DSCAM: variants seen among roughly 807,000 people sequenced by gnomAD.
DSCAM encodes the protein DS cell adhesion molecule.
Under a neutral mutation model 217.7 loss-of-function variants are expected in DSCAM, and 47 were observed. The ratio of observed to expected loss-of-function variants is 0.22; its 90% confidence interval spans 0.17 to 0.28. The LOEUF (loss-of-function observed/expected upper bound fraction) is 0.28. Ranked by LOEUF, DSCAM falls within the 10% of genes least tolerant of loss-of-function variation. DSCAM has a pLI of 1.00. For synonymous variants in DSCAM, 1,056 were observed against 1,015.3 expected (o/e 1.04, Z -0.76); for missense variants, 2,080 against 2,618.3 (o/e 0.79, Z 4.49).
intron 28 of DSCAM, among the ~76,000 whole-genome samples, chr21:40,057,633 C>A (rs1310595530): frequency 6.6e-6 from 1 of 152,216 alleles, no homozygotes; most frequent in East Asian, 1.9e-4. Flanking sequence ...CAGATTGCCA[C>A]AGGAAGCAGG....
chr21:40,188,014 T>C (rs376639370), intron 12 of DSCAM, 27 bp from the exon 13 acceptor site: 23 of 1,578,012 alleles, frequency 1.5e-5, no homozygotes, highest in Admixed American at 1.7e-5. Flanking sequence ...AAGAAATTCA[T>C]CTTTTTCAGT....
chr21:40,516,924 C>T (rs1021434793), intron 3 of DSCAM, among the ~76,000 whole-genome samples: 1 of 146,706 alleles, frequency 6.8e-6, no homozygotes, highest in African/African-American at 2.5e-5. Context: ...CACACATATA[C>T]CTTATATATT....
At chr21:40,426,522 G>C (rs563086483) in intron 3 of DSCAM, among the ~76,000 whole-genome samples, 1 of 152,114 alleles carries the variant, frequency 6.6e-6, no homozygotes, top group Non-Finnish European at 1.5e-5. Flanking sequence ...ATTCTAAATT[G>C]TTAAAGGTTC....
rs750731548 is a variant in DSCAM, at chr21:40,055,712, T to C, written c.5035+13A>G. 2 of 1,602,242 alleles carry C rather than the reference T, an allele frequency of 1.2e-6. No individual in the cohort carries two copies. Among genetic ancestry groups the C allele is most frequent in the Admixed American group, 3.3e-5 (2 of 59,902 alleles). ...CAGCCACTTTGTGTAAAGTGGCAAA[T>C]AGGGCAGCTTACCAATGGTCTCCAT... On this transcript the variant is annotated intron_variant, in intron 29 of 32. Transcript: ENST00000400454.
At chr21:40,654,858 A>T (rs2146366812) in intron 3 of DSCAM, among the ~76,000 whole-genome samples, 1 of 152,284 alleles carries the variant, frequency 6.6e-6, no homozygotes, top group East Asian at 1.9e-4. Context: ...TGTAAGGTGA[A>T]ATATTCACCT....
At chr21:40,189,511 T>C (rs2090932640) in intron 11 of DSCAM, among the ~76,000 whole-genome samples, 1 of 152,182 alleles carries the variant, frequency 6.6e-6, no homozygotes, top group South Asian at 2.1e-4. Context: ...CTATGTCCCT[T>C]AGCACACCCA....
At chr21:40,572,003 T>G (rs753695477) in intron 3 of DSCAM, among the ~76,000 whole-genome samples, 3 of 152,092 alleles carry the variant, frequency 2.0e-5, no homozygotes, top group Non-Finnish European at 2.9e-5. Context: ...AAATGCAAAT[T>G]CAAATCCTAA....
intron 3 of DSCAM, among the ~76,000 whole-genome samples, chr21:40,414,809 C>T (rs2075355741): frequency 6.6e-6 from 1 of 152,070 alleles, no homozygotes; most frequent in Non-Finnish European, 1.5e-5. Context: ...TGATAAAGCA[C>T]AAGGTAAGTC....
Position 40,282,570 on chromosome 21 carries a change from G to A in DSCAM, c.2183-6300C>T, listed in dbSNP as rs1407297027. 9.1e-5 allele frequency among the ~76,000 whole-genome samples: 10 copies of A among 109,564 alleles called. No homozygotes were observed. The East Asian group carries it at 2.5e-3, about 27-fold the overall frequency. 71.9% of individuals were successfully genotyped at this position (109,564 alleles called of 152,430 possible). ...AGCGCCACTGCAGTCCAGCCTGGGC[G>A]AAAGAGCGAGACTCTGTCTCAAAAA... On this transcript the variant is annotated intron_variant, in intron 10 of 32. Transcript: ENST00000400454.
At chr21:40,413,463 A>G (rs1177661819) in intron 3 of DSCAM, among the ~76,000 whole-genome samples, 1 of 152,204 alleles carries the variant, frequency 6.6e-6, no homozygotes, top group Non-Finnish European at 1.5e-5. Flanking sequence ...GTCAAAGGAG[A>G]TCATTTTGGA....
intron 20 of DSCAM, among the ~76,000 whole-genome samples, chr21:40,109,688 C>T (rs555017748): frequency 7.9e-5 from 12 of 152,308 alleles, no homozygotes; most frequent in East Asian, 5.8e-4. Context: ...GGGTGACAGA[C>T]GGCACCTGGA....
chr21:40,180,308 G>GA (rs1486255653), intron 14 of DSCAM, among the ~76,000 whole-genome samples: 2 of 152,304 alleles, frequency 1.3e-5, no homozygotes, highest in Non-Finnish European at 2.9e-5. Flanking sequence ...TTCTGGAATT[G>GA]AAGAAAAAAT....
intron 11 of DSCAM, among the ~76,000 whole-genome samples, chr21:40,247,642 C>T (rs1321159604): frequency 1.3e-5 from 2 of 152,208 alleles, no homozygotes; most frequent in African/African-American, 4.8e-5. Flanking sequence ...TTCCAGGGTA[C>T]AACCTTCATT....
intron 3 of DSCAM, among the ~76,000 whole-genome samples, chr21:40,393,188 A>T (rs2075149655): frequency 6.6e-6 from 1 of 152,194 alleles, no homozygotes; most frequent in African/African-American, 2.4e-5. Flanking sequence ...AAAGAAAGGT[A>T]ATGATTTCTC....
chr21:40,242,319 T>C (rs939059157), intron 11 of DSCAM, among the ~76,000 whole-genome samples: 9 of 152,234 alleles, frequency 5.9e-5, no homozygotes, highest in African/African-American at 2.2e-4. Flanking sequence ...ATCTACCTTC[T>C]GAGCACCTGG....
rs779560899 is a variant in DSCAM at position 40,075,066 on chromosome 21, C to T, written c.4859G>A (p.Arg1620Gln). 2.8e-5 allele frequency: 45 copies of T among 1,614,066 alleles called. No individual in the cohort carries two copies. The highest frequency in any genetic ancestry group is 3.5e-5 in the Non-Finnish European group (41 of 1,180,042). The change falls in exon 27 of 33, where the codon CGG becomes CAG. Residue 1620 changes from arginine (R) to glutamine (Q), a missense_variant. Arg to Gln is a conservative substitution (Grantham distance 43). Coordinates refer to ENST00000400454, the MANE Select transcript of DSCAM (RefSeq NM_001389.5). Reference protein sequence around the residue: ...FVLLLVVRRRRREQRLKRLRD... With the variant: ...FVLLLVVRRRQREQRLKRLRD... ...CAGCCTCTTTAGCCTCTGCTCCCGCCGCCTCCTCCGCACAACCAGCAGGAG... is the reference window on the plus strand; with the variant it reads ...CAGCCTCTTTAGCCTCTGCTCCCGCTGCCTCCTCCGCACAACCAGCAGGAG...
chr21:40,023,237 G>A (rs1302717255), intron 32 of DSCAM, among the ~76,000 whole-genome samples: 1 of 152,120 alleles, frequency 6.6e-6, no homozygotes, highest in Non-Finnish European at 1.5e-5. Context: ...GTTCCATGGT[G>A]TATATGTGCC....
intron 3 of DSCAM, among the ~76,000 whole-genome samples, chr21:40,449,707 T>A (rs1427416373): frequency 6.6e-6 from 1 of 152,200 alleles, no homozygotes; most frequent in Non-Finnish European, 1.5e-5. Flanking sequence ...ATGAAAACAT[T>A]GAGCCAAGGT....
intron 1 of DSCAM, among the ~76,000 whole-genome samples, chr21:40,759,150 T>A (rs982994775): frequency 6.6e-6 from 1 of 152,054 alleles, no homozygotes; most frequent in Non-Finnish European, 1.5e-5. Flanking sequence ...TTGCTCTTAG[T>A]CCCATCCTGT....
Sources: allele counts gnomAD v4.1 joint callset (sites outside exome capture counted in the v4.1 genomes callset), GRCh38; gene constraint gnomAD v4.1.1; transcripts MANE v1.5; gene names NCBI Gene and HGNC (gene_info 2026-07-23, HGNC 2026-07-21).